The following MYH9 variants were observed in gnomAD, a reference collection of about 807,000 sequenced individuals.
MYH9 encodes myosin heavy chain 9.
MYH9 carries 29 observed loss-of-function variants against 241.9 expected under a neutral mutation model. The ratio of observed to expected loss-of-function variants is 0.12; its 90% CI spans 0.09 to 0.16. MYH9 has a LOEUF of 0.16. Among genes scored for constraint, MYH9 ranks in the 10% least tolerant of loss-of-function variants. The probability of loss-of-function intolerance (pLI) is 1.00; values close to 1 mark genes in which losing one functional copy is unlikely to be tolerated. For missense variants in MYH9, 1,803 were observed against 2,595.5 expected, an observed-to-expected ratio of 0.69 and a Z score of 6.63; for synonymous variants, 1,047 against 1,062.6, an observed-to-expected ratio of 0.99 and a Z score of 0.29.
chr22:36,323,674 C>T (rs1005378009), intron 5 of MYH9, among the ~76,000 whole-genome samples: 7 of 152,080 alleles, frequency 4.6e-5, no homozygotes, highest in Non-Finnish European at 7.4e-5. Context: ...GGAGTCTAGC[C>T]GAGCCAGATT....
chr22:36,285,473 A>T lies in MYH9; in HGVS notation c.5275-144T>A. On this transcript the variant is annotated intron_variant, in intron 37 of 40. Coordinates refer to ENST00000216181, the MANE Select transcript of MYH9 (RefSeq NM_002473.6). This position sits in a 1 kb window ranked among gnomAD's most constrained non-coding sequence, Gnocchi z 7.0. Reference sequence around the variant, plus strand: ...GTCTCCCAGAAAAGGGAAGATTAGAAACTTCTGAACACCCAACACAGAAGC... The same window carrying T: ...GTCTCCCAGAAAAGGGAAGATTAGATACTTCTGAACACCCAACACAGAAGC... 2 of 1,300,864 alleles carry T rather than the reference A, an allele frequency of 1.5e-6. No individual in the cohort carries two copies. The highest frequency in any genetic ancestry group is 1.9e-5 in the Admixed American group (1 of 51,354). 80.6% of individuals were successfully genotyped at this position (1,300,864 alleles called of 1,614,324 possible). A position where few individuals can be genotyped will look rare whatever the true frequency, so the allele number is the denominator to read the frequency against.
At position 36,296,988 on chromosome 22, in the gene MYH9, G is replaced by A. The variant is rs2016798768; in HGVS notation, c.3127C>T (p.Arg1043Ter). 1 of 1,613,938 alleles carries A rather than the reference G, an allele frequency of 6.2e-7. No individual in the cohort carries two copies. Among genetic ancestry groups the A allele is most frequent in the Non-Finnish European group, 8.5e-7 (1 of 1,180,046 alleles). ...EERLRREEKQ[R>*]QELEKTRRKL... is the part of the protein sequence containing the mutation. ...CGGCGGGTCTTCTCCAGCTCCTGTCGCTGCTTCTCCTCCCTGCGGAGGCGC... is the reference window on the plus strand; with the variant it reads ...CGGCGGGTCTTCTCCAGCTCCTGTCACTGCTTCTCCTCCCTGCGGAGGCGC... Residue 1043 changes from arginine (R) to a stop codon, truncating the protein, a stop_gained, in exon 25 of 41, where the codon CGA becomes TGA. Coordinates refer to ENST00000216181, the MANE Select transcript of MYH9 (RefSeq NM_002473.6). LOFTEE classifies it high-confidence loss of function.
At chr22:36,318,385 A>C in intron 10 of MYH9, 60 bp from the exon 11 acceptor site, 1 of 1,309,488 alleles carries the variant, frequency 7.6e-7, no homozygotes, top group East Asian at 2.3e-5. Context: ...CAAGAGAGAA[A>C]GTTCTAATTA....
At chr22:36,348,858 CGG>C in intron 2 of MYH9, 44 bp downstream of exon 2, 2 of 1,184,586 alleles carry the variant, frequency 1.7e-6, no homozygotes, top group East Asian at 5.0e-5. Flanking sequence ...CCCCCCACCT[CGG>C]AGCCCTCAGA....
chr22:36,322,352 C>T (rs2017267274), intron 6 of MYH9, 77 bp downstream of exon 6: 1 of 1,493,016 alleles, frequency 6.7e-7, no homozygotes, highest in African/African-American at 1.4e-5. Context: ...GGAGGGCACC[C>T]AGGAAAAGGC....
intron 3 of MYH9, among the ~76,000 whole-genome samples, chr22:36,338,533 C>T (rs2146381590): frequency 6.6e-6 from 1 of 152,150 alleles, no homozygotes. Context: ...TGAAATCGCC[C>T]ACCTGGCTGG....
At chr22:36,283,254 A>G (rs898886565) in intron 40 of MYH9, among the ~76,000 whole-genome samples, 1 of 152,132 alleles carries the variant, frequency 6.6e-6, no homozygotes, top group Non-Finnish European at 1.5e-5. Context: ...AGCCCCATGA[A>G]GGCCTGGCAC....
chr22:36,294,851 C>G, intron 27 of MYH9, 81 bp downstream of exon 27: 1 of 1,584,510 alleles, frequency 6.3e-7, no homozygotes, highest in Non-Finnish European at 8.6e-7. Context: ...CCTGCAACTG[C>G]TCTGCAGGAC....
intron 1 of MYH9, among the ~76,000 whole-genome samples, chr22:36,364,376 C>A (rs2017978059): frequency 6.6e-6 from 1 of 152,198 alleles, no homozygotes; most frequent in Admixed American, 6.5e-5. Context: ...AGGCTCCCAT[C>A]TTCCCAAAGG....
At chr22:36,284,291 G>A (rs1158711686) in intron 39 of MYH9, 26 bp from the exon 40 acceptor site, 2 of 1,606,088 alleles carry the variant, frequency 1.2e-6, no homozygotes, top group Admixed American at 3.4e-5. Context: ...TGTGGCCCGT[G>A]GCCCCGGTTA....
rs920485922 is a variant in MYH9, at chr22:36,329,031, G to T, written c.491-1543C>A. ...TCTTCTTCTGCCCACTGGTCATTCA[G>T]GAGGGAAAAGGAAGCCCAGACAGAA... On this transcript the variant is annotated intron_variant, in intron 3 of 40. Coordinates refer to ENST00000216181, the MANE Select transcript of MYH9 (RefSeq NM_002473.6). This position sits in a 1 kb window ranked among gnomAD's most constrained non-coding sequence, Gnocchi z 4.1. 1.3e-5 allele frequency: 2 copies of T among 152,298 alleles called. No individual in the cohort carries two copies. The highest frequency in any genetic ancestry group is 4.8e-5 in the African/African-American group (2 of 41,448). 9.4% of individuals were successfully genotyped at this position (152,298 alleles called of 1,614,324 possible).
rs763813949 is a variant in MYH9 at position 36,306,645 on chromosome 22, G to A, written c.1844-38C>T. 2 of 1,594,218 alleles carry A rather than the reference G, an allele frequency of 1.3e-6. No individual in the cohort carries two copies. Among genetic ancestry groups the A allele is most frequent in the Admixed American group, 3.4e-5 (2 of 58,688 alleles). On this transcript the variant is annotated intron_variant, in intron 15 of 40. Transcript: ENST00000216181. This position sits in a 1 kb window ranked among gnomAD's most constrained non-coding sequence, Gnocchi z 4.1. ...CAGAGAACACGTGAGTGCCCACACA[G>A]TTGCAGCTGGGTGGTGGGGGAGCAC...
intron 2 of MYH9, among the ~76,000 whole-genome samples, chr22:36,347,751 C>T (rs1477216567): frequency 7.0e-6 from 1 of 143,572 alleles, no homozygotes; most frequent in African/African-American, 2.6e-5. Context: ...GGGTGGATCA[C>T]GAGGTCAGGA....
intron 15 of MYH9, among the ~76,000 whole-genome samples, chr22:36,308,545 A>G (rs1372720716): frequency 6.6e-6 from 1 of 151,776 alleles, no homozygotes; most frequent in Non-Finnish European, 1.5e-5. Flanking sequence ...GATTGCTGGG[A>G]TTACAGTGTT....
At position 36,285,224 on chromosome 22, in the gene MYH9, G is replaced by C; in HGVS notation, c.5380C>G (p.Leu1794Val). 1 of 1,614,228 alleles carries C rather than the reference G, an allele frequency of 6.2e-7. No individual in the cohort carries two copies. Residue 1794 changes from leucine to valine, a missense_variant, in exon 38 of 41, where the codon CTG becomes GTG. By Grantham distance (32) the Leu-to-Val change is conservative. Around this residue, in one of 11 missense-constraint regions of MYH9, gnomAD observed 876 missense variants for 1,077.8 expected, o/e 0.81. Transcript: ENST00000216181. This position sits in a 1 kb window ranked among gnomAD's most constrained non-coding sequence, Gnocchi z 7.0. The stretch of plus-strand genomic sequence containing the variant: ...TTGACAGTGCCCTCCATCTCCTGCA[G>C]CTTGACCTTAAGCTCCTTGTTCTGG... ...ERQNKELKVK[L>V]QEMEGTVKSK...
chr22:36,318,338 A>G lies in MYH9; in HGVS notation c.1109-13T>C, dbSNP rs1222738658. On this transcript the variant is annotated splice_polypyrimidine_tract_variant and intron_variant, in intron 10 of 40. Transcript: ENST00000216181. Reference sequence around the variant, plus strand: ...ACCTTTTGGGCAGCTAAGATTTTTCAGAGAATAAGAGAGGGACAAAAAGTC... The same window carrying G: ...ACCTTTTGGGCAGCTAAGATTTTTCGGAGAATAAGAGAGGGACAAAAAGTC... 6.3e-7 allele frequency: 1 copy of G among 1,590,810 alleles called. No individual in the cohort carries two copies.
chr22:36,322,374 A>T, intron 6 of MYH9, 55 bp downstream of exon 6: 1 of 1,586,016 alleles, frequency 6.3e-7, no homozygotes, highest in Non-Finnish European at 8.7e-7. Flanking sequence ...GCATGAGCCA[A>T]AGCTCCGGGC....
At chr22:36,349,590 C>A in intron 1 of MYH9, among the ~76,000 whole-genome samples, 1 of 152,040 alleles carries the variant, frequency 6.6e-6, no homozygotes, top group East Asian at 1.9e-4. Context: ...ATTAACCAGG[C>A]GTGGTGGTGC....
At chr22:36,294,022 A>T in intron 28 of MYH9, 70 bp downstream of exon 28, 1 of 1,554,474 alleles carries the variant, frequency 6.4e-7, no homozygotes, top group Non-Finnish European at 8.8e-7. Context: ...GCACACATGC[A>T]CCTGGGGACC....
Sources: gnomAD v4.1 joint callset for allele counts (sites outside exome capture counted in the v4.1 genomes callset) on GRCh38, gnomAD v4.1.1 for gene constraint, gnomAD v4.1.1 regional missense constraint, Gnocchi (gnomAD v3.1) non-coding constraint, MANE v1.5 for transcripts, NCBI Gene and HGNC (gene_info 2026-07-23, HGNC 2026-07-21) for gene names.